Variants in CC2D1B observed in about 807,000 individuals in gnomAD.
CC2D1B encodes the protein coiled-coil and C2 domain-containing protein 1B.
A neutral mutation model predicts 110.8 loss-of-function variants in CC2D1B; 92 were observed. The ratio of observed to expected loss-of-function variants is 0.83; its 90% CI spans 0.70 to 0.99. The LOEUF (loss-of-function observed/expected upper bound fraction) is 0.99, where lower values mean the gene tolerates loss of function less well. Among genes scored for constraint, CC2D1B ranks in the 50% least tolerant of loss-of-function variants. The probability of loss-of-function intolerance (pLI) is 0.00; values close to 1 mark genes in which losing one functional copy is unlikely to be tolerated. For missense variants in CC2D1B, 1,136 were observed against 1,089.0 expected (o/e 1.04, Z -0.61); for synonymous variants, 406 against 429.2 (o/e 0.95, Z 0.67).
In CC2D1B at chr1:52,355,655, C is replaced by T. The variant is rs200283353; in HGVS notation, c.2140G>A (p.Asp714Asn). The T allele has an allele frequency of 6.0e-5, 97 of 1,614,112 alleles. No individual in the cohort carries two copies. The highest frequency in any genetic ancestry group is 5.8e-4 in the Admixed American group (35 of 60,014). Residue 714 changes from aspartate to asparagine, a missense_variant, in exon 20 of 25, where the codon GAT becomes AAT. Transcript: ENST00000284376. ...NLPAPPGVTPDDLDAFVRFEF... is the reference protein window; with the variant it reads ...NLPAPPGVTPNDLDAFVRFEF... ...AACCGCACAAAAGCATCCAGGTCAT[C>T]GGGAGTCACCCCTGGGAAGGAGAAA...
chr1:52,363,632 C>A (rs1271177815), intron 2 of CC2D1B, among the ~76,000 whole-genome samples: 2 of 152,024 alleles, frequency 1.3e-5, no homozygotes, highest in East Asian at 3.9e-4. Context: ...CTGGTAAGCA[C>A]CATTCTTCTG....
At position 52,358,739 on chromosome 1, in the gene CC2D1B, C is replaced by T. The variant is rs564981624; in HGVS notation, c.1277G>A (p.Arg426Gln). 13 of 1,611,538 alleles carry T rather than the reference C, an allele frequency of 8.1e-6. No homozygotes were observed. Among genetic ancestry groups the T allele is most frequent in the African/African-American group, 2.7e-5 (2 of 74,842 alleles). Residue 426 changes from arginine (R) to glutamine (Q), a missense_variant, in exon 12 of 25, where the codon CGA becomes CAA. Transcript: ENST00000284376. ...GACTTTCCGTCCTGCTCGGTGTGCT[C>T]GAATAGCATCTTGATATTGCTGCAA... Reference protein sequence around the residue: ...RIAKQYQDAIRAHRAGRKVNF... With the variant: ...RIAKQYQDAIQAHRAGRKVNF...
intron 23 of CC2D1B, chr1:52,354,231 C>T (rs916417106): frequency 2.5e-6 from 1 of 394,502 alleles, no homozygotes; most frequent in African/African-American, 2.1e-5. Flanking sequence ...GGGAAGAGCC[C>T]CAGCCTACAT....
chr1:52,356,796 A>G (rs1268886150), intron 16 of CC2D1B: 3 of 616,050 alleles, frequency 4.9e-6, no homozygotes, highest in Non-Finnish European at 8.5e-6. Context: ...TGTTGTTTGT[A>G]CCACCCTGAA....
Position 52,353,068 on chromosome 1 carries a change from G to T in CC2D1B, c.*157C>A. 1.4e-6 allele frequency: 1 copy of T among 711,244 alleles called. No homozygotes were observed. Among genetic ancestry groups the T allele is most frequent in the Non-Finnish European group, 2.2e-6 (1 of 459,620 alleles). 44.1% of individuals were successfully genotyped at this position (711,244 alleles called of 1,614,324 possible). ...CCCCAGAGGGGCCAACAACAGGAAA[G>T]ACCAGAGTCGTGGTCAGTAGTGCAC... On this transcript the variant is annotated 3_prime_UTR_variant, in exon 25 of 25. Coordinates refer to ENST00000284376, the MANE Select transcript of CC2D1B (RefSeq NM_001330585.2).
intron 7 of CC2D1B, 55 bp from the exon 8 acceptor site, chr1:52,359,938 C>T: frequency 6.4e-7 from 1 of 1,574,378 alleles, no homozygotes; most frequent in South Asian, 1.2e-5. Flanking sequence ...GAAGAAGGTG[C>T]CCACGGACTT....
At chr1:52,353,320 T>C in intron 24 of CC2D1B, 97 bp from the exon 25 acceptor site, 2 of 1,473,698 alleles carry the variant, frequency 1.4e-6, no homozygotes, top group South Asian at 1.4e-5. Flanking sequence ...GATAGATAGA[T>C]AGTTAAACCT....
chr1:52,356,820 C>T, intron 16 of CC2D1B, 181 bp downstream of exon 16: 2 of 674,714 alleles, frequency 3.0e-6, no homozygotes, highest in Non-Finnish European at 5.0e-6. Context: ...GGTATTATCA[C>T]CCCATCTCAT....
chr1:52,356,523 G>C (rs1646656561), intron 16 of CC2D1B, 81 bp from the exon 17 acceptor site: 3 of 1,473,988 alleles, frequency 2.0e-6, no homozygotes, highest in Non-Finnish European at 2.8e-6. Context: ...ACTTCTCAAA[G>C]CTTCAACTTT....
intron 8 of CC2D1B, 28 bp downstream of exon 8, chr1:52,359,677 G>A: frequency 6.4e-7 from 1 of 1,566,234 alleles, no homozygotes; most frequent in African/African-American, 1.4e-5. Flanking sequence ...ATAAAATGAG[G>A]GTGGGTGCCC....
intron 3 of CC2D1B, 81 bp downstream of exon 3, chr1:52,362,521 C>T: frequency 6.5e-7 from 1 of 1,545,456 alleles, no homozygotes; most frequent in East Asian, 2.2e-5. Context: ...CTGGCTCCGT[C>T]CAGCTGCAAG....
At chr1:52,361,928 C>T (rs1227277170) in intron 3 of CC2D1B, among the ~76,000 whole-genome samples, 1 of 152,240 alleles carries the variant, frequency 6.6e-6, no homozygotes, top group Non-Finnish European at 1.5e-5. Flanking sequence ...TTTTCAAAGT[C>T]CAACAGAGCT....
At chr1:52,358,804 A>G (rs1646711673) in intron 11 of CC2D1B, 46 bp from the exon 12 acceptor site, 17 of 1,560,482 alleles carry the variant, frequency 1.1e-5, no homozygotes, top group Non-Finnish European at 1.5e-5. Flanking sequence ...AGCAGCCCAC[A>G]GGCCCCCTGC....
chr1:52,354,504 A>AAATT (rs1450349537), intron 23 of CC2D1B, 104 bp downstream of exon 23: 1 of 961,572 alleles, frequency 1.0e-6, no homozygotes, highest in Non-Finnish European at 1.7e-6. Context: ...GGAGAATTTC[A>AAATT]AATTAAGTAA....
At position 52,360,540 on chromosome 1, in the gene CC2D1B, A is replaced by G. The variant is rs1248284597; in HGVS notation, c.487T>C (p.Ser163Pro). 15 of 1,613,814 alleles carry G rather than the reference A, an allele frequency of 9.3e-6. No homozygotes were observed. The highest frequency in any genetic ancestry group is 1.3e-5 in the African/African-American group (1 of 74,908). Residue 163 changes from serine (S) to proline (P), a missense_variant, in exon 6 of 25, where the codon TCT becomes CCT. By Grantham distance (74) the Ser-to-Pro change is moderately conservative. Transcript: ENST00000284376. ...ASAPAAQAGA[S>P]QGLHALLEER... ...TCCAGCAAAGCGTGTAGCCCCTGAG[A>G]TGCTCCGGCCTATGAACAATTCAGC...
rs1268376257 is a variant in CC2D1B, at chr1:52,359,477, T to C, written c.1000A>G (p.Met334Val). ...TACTGACCCTCAGGTGCCGGGGGCA[T>C]GGCACTCAGATCCACGGGCTGCCCC... is the stretch of plus-strand genomic sequence containing the variant. Reference protein sequence around the residue: ...EKGQPVDLSAMPPAPEDLKPQ... With the variant: ...EKGQPVDLSAVPPAPEDLKPQ... Residue 334 changes from methionine (M) to valine (V), a missense_variant, in exon 9 of 25, where the codon ATG becomes GTG. Met to Val is a conservative substitution (Grantham distance 21). Coordinates refer to ENST00000284376, the MANE Select transcript of CC2D1B (RefSeq NM_001330585.2). 1.2e-6 allele frequency: 2 copies of C among 1,613,954 alleles called. No homozygotes were observed. The highest frequency in any genetic ancestry group is 1.7e-6 in the Non-Finnish European group (2 of 1,180,020).
chr1:52,357,859 C>A lies in CC2D1B; in HGVS notation c.1501G>T (p.Ala501Ser). The A allele has an allele frequency of 6.3e-7, 1 of 1,585,602 alleles. No individual in the cohort carries two copies. The highest frequency in any genetic ancestry group is 8.6e-7 in the Non-Finnish European group (1 of 1,168,052). ...TGGGATGAAGGGACTGTGGGCCGTG[C>A]AGGTTTCTTGGCCACTGGGGCCTGT... ...PAQAPVAKKP[A>S]RPTVPSSQRL... Residue 501 changes from alanine (A) to serine (S), a missense_variant, in exon 14 of 25, where the codon GCA becomes TCA. Ala to Ser is a moderately conservative substitution (Grantham distance 99). Transcript: ENST00000284376.
In CC2D1B at chr1:52,356,458, CA is replaced by C. The variant is rs1646654775; in HGVS notation, c.1879-17del. 1.2e-6 allele frequency: 2 copies of C among 1,614,130 alleles called. No individual in the cohort carries two copies. Among genetic ancestry groups the C allele is most frequent in the Non-Finnish European group, 1.7e-6 (2 of 1,179,992 alleles). On this transcript the variant is annotated splice_polypyrimidine_tract_variant and intron_variant, in intron 16 of 24. Transcript: ENST00000284376. ...GCAGGCACTTCTGAAAATAGAGGCC[CA>C]GAGTGACTCCCGAGCCCAGAGCAGG...
At chr1:52,355,739 G>A (rs1187029172) in intron 19 of CC2D1B, 32 bp downstream of exon 19, 7 of 1,613,630 alleles carry the variant, frequency 4.3e-6, no homozygotes, top group Non-Finnish European at 5.9e-6. Context: ...CCGGGCAAGA[G>A]CCTCCTGGAG....
Sources: allele counts gnomAD v4.1 joint callset (sites outside exome capture counted in the v4.1 genomes callset), GRCh38; gene constraint gnomAD v4.1.1; transcripts MANE v1.5; gene names NCBI Gene and HGNC (gene_info 2026-07-23, HGNC 2026-07-21).